The following PTPN13 variants were observed in gnomAD, a reference collection of about 807,000 sequenced individuals.
PTPN13 encodes the protein protein tyrosine phosphatase non-receptor type 13, also known as tyrosine-protein phosphatase non-receptor type 13.
PTPN13 carries 191 observed loss-of-function variants against 284.0 expected under a neutral mutation model. The ratio of observed to expected loss-of-function variants is 0.67; its 90% CI spans 0.60 to 0.76. The LOEUF is 0.76. Ranked by LOEUF, PTPN13 falls within the 30% of genes least tolerant of loss-of-function variation. The pLI, the probability that PTPN13 is intolerant of heterozygous loss-of-function variation, is 0.00. For synonymous variants in PTPN13, 986 were observed against 1,022.3 expected, an observed-to-expected ratio of 0.96 and a Z score of 0.68; for missense variants, 2,797 against 2,939.9, an observed-to-expected ratio of 0.95 and a Z score of 1.12.
At position 86,775,505 on chromosome 4, in the gene PTPN13, C is replaced by T. The variant is rs762570625; in HGVS notation, c.5744C>T (p.Pro1915Leu). 6.2e-7 allele frequency: 1 copy of T among 1,612,054 alleles called. No homozygotes were observed. Among genetic ancestry groups the T allele is most frequent in the South Asian group, 1.1e-5 (1 of 90,962 alleles). ...GTGGTATATATTAGTGATATTAATC[C>T]AAGGTCCGTCGCAGCCATTGAGGGT... ...YQVVYISDIN[P>L]RSVAAIEGNL... Residue 1915 changes from proline (P) to leucine (L), a missense_variant, in exon 35 of 48, where the codon CCA (proline) becomes CTA (leucine). Coordinates refer to ENST00000411767, the MANE Select transcript of PTPN13 (RefSeq NM_080683.3).
intron 2 of PTPN13, among the ~76,000 whole-genome samples, chr4:86,662,567 T>A (rs1017225789): frequency 6.6e-6 from 1 of 152,280 alleles, no homozygotes; most frequent in Non-Finnish European, 1.5e-5. Flanking sequence ...CTTGACCTCA[T>A]GATCCACCTG....
chr4:86,599,421 A>G (rs1043951806), intron 1 of PTPN13, among the ~76,000 whole-genome samples: 3 of 152,120 alleles, frequency 2.0e-5, no homozygotes, highest in Admixed American at 1.3e-4. Flanking sequence ...GTACTGTCAA[A>G]TGTAGTTTCC....
At chr4:86,635,638 A>G (rs892027420) in intron 2 of PTPN13, among the ~76,000 whole-genome samples, 2 of 152,142 alleles carry the variant, frequency 1.3e-5, no homozygotes, top group African/African-American at 4.8e-5. Context: ...CTCAGTTTAG[A>G]GCTCACAGTT....
At chr4:86,742,974 A>AT (rs1248659100) in intron 16 of PTPN13, among the ~76,000 whole-genome samples, 2 of 152,222 alleles carry the variant, frequency 1.3e-5, no homozygotes, top group Non-Finnish European at 2.9e-5. Flanking sequence ...TTGCATTCCC[A>AT]TGGAAATTAT....
chr4:86,761,680 A>G (rs1037125947), intron 23 of PTPN13, among the ~76,000 whole-genome samples: 6 of 152,022 alleles, frequency 3.9e-5, no homozygotes, highest in African/African-American at 1.4e-4. Context: ...CTTTTCATAT[A>G]TTTACTATTT....
rs185055035 is a variant in PTPN13, at chr4:86,703,867, T to C, written c.1195+2066T>C. Among the ~76,000 whole-genome samples the C allele has an allele frequency of 9.9e-4, 151 of 152,136 alleles. 1 individual carries two copies. Among genetic ancestry groups the C allele is most frequent in the Non-Finnish European group, 1.6e-3 (106 of 67,992 alleles). ...CTGTGCAACAAAGCGAGACTCTGTCTCTAATGATAGTAATAATAAAATTGG... is the reference window on the plus strand; with the variant it reads ...CTGTGCAACAAAGCGAGACTCTGTCCCTAATGATAGTAATAATAAAATTGG... On this transcript the variant is annotated intron_variant, in intron 7 of 47. Transcript: ENST00000411767.
chr4:86,751,331 CT>C lies in PTPN13; in HGVS notation c.3166+214del, dbSNP rs1565484537. The stretch of plus-strand genomic sequence containing the variant: ...TTCATGGTACAGACTATTAGCTTCT[CT>C]TTTTTTCCCCCTCAGACAGGGTCTT... On this transcript the variant is annotated intron_variant, in intron 19 of 47. Transcript: ENST00000411767. 2.0e-5 allele frequency among the ~76,000 whole-genome samples: 3 copies of C among 152,050 alleles called. No individual in the cohort carries two copies. In the South Asian group the frequency reaches 6.2e-4, roughly 32 times the overall value.
At chr4:86,780,528 C>A in intron 36 of PTPN13, 56 bp downstream of exon 36, 1 of 1,182,198 alleles carries the variant, frequency 8.5e-7, no homozygotes, top group Non-Finnish European at 1.2e-6. Flanking sequence ...TGTAAAATGG[C>A]ACATCCATTT....
chr4:86,773,134 A>T (rs1740192537), intron 32 of PTPN13, among the ~76,000 whole-genome samples, 176 bp downstream of exon 32: 1 of 152,192 alleles, frequency 6.6e-6, no homozygotes, highest in Non-Finnish European at 1.5e-5. Flanking sequence ...TAAGGCAAAA[A>T]GACCTGAGTA....
At chr4:86,651,583 A>G (rs1034730884) in intron 2 of PTPN13, among the ~76,000 whole-genome samples, 13 of 152,200 alleles carry the variant, frequency 8.5e-5, no homozygotes, top group African/African-American at 3.1e-4. Flanking sequence ...AATGTTTAGC[A>G]GAATTCAGCA....
At chr4:86,699,547 A>G (rs181444656) in intron 6 of PTPN13, among the ~76,000 whole-genome samples, 17 of 152,302 alleles carry the variant, frequency 1.1e-4, no homozygotes, top group African/African-American at 4.1e-4. Context: ...GGAAAAGTGA[A>G]ACAGTCATTG....
At chr4:86,726,738 T>C (rs1318773874) in intron 10 of PTPN13, among the ~76,000 whole-genome samples, 2 of 149,460 alleles carry the variant, frequency 1.3e-5, no homozygotes, top group Non-Finnish European at 3.0e-5. Flanking sequence ...TTTCTAAATA[T>C]ACAATTATGT....
At chr4:86,694,290 G>C (rs1381523968) in intron 6 of PTPN13, among the ~76,000 whole-genome samples, 1 of 151,576 alleles carries the variant, frequency 6.6e-6, no homozygotes, top group Non-Finnish European at 1.5e-5. Context: ...GAAATGAATG[G>C]AAATTTCAGG....
chr4:86,706,430 A>G (rs984380118), intron 7 of PTPN13, among the ~76,000 whole-genome samples: 1 of 152,202 alleles, frequency 6.6e-6, no homozygotes, highest in Admixed American at 6.5e-5. Context: ...CAGTGAAACA[A>G]GATAGTATTA....
rs768713885 is a variant in PTPN13, at chr4:86,758,966, G to C, written c.3446G>C (p.Ser1149Thr). The C allele has an allele frequency of 4.3e-6, 7 of 1,613,718 alleles. No individual in the cohort carries two copies. The highest frequency in any genetic ancestry group is 1.7e-4 in the Middle Eastern group (1 of 6,056). The change falls in exon 23 of 48, where the codon AGT becomes ACT. Residue 1149 changes from serine (S) to threonine (T), a missense_variant. Ser to Thr is a moderately conservative substitution (Grantham distance 58, BLOSUM62 1). Transcript: ENST00000411767. The stretch of plus-strand genomic sequence containing the variant: ...GGAGACCGTTTGATATCTGTGAATA[G>C]TGTGAGTCTGGAGGGAGTCAGCCAC... ...KPGDRLISVN[S>T]VSLEGVSHHA...
intron 12 of PTPN13, 32 bp downstream of exon 12, chr4:86,732,798 A>T: frequency 6.4e-7 from 1 of 1,562,860 alleles, no homozygotes; most frequent in South Asian, 1.2e-5. Context: ...AGAGTACAGT[A>T]TAGAAATTTA....
intron 33 of PTPN13, among the ~76,000 whole-genome samples, chr4:86,774,746 G>A (rs1450080609): frequency 1.3e-5 from 2 of 150,218 alleles, no homozygotes; most frequent in African/African-American, 4.9e-5. Flanking sequence ...TTAAGTTCTA[G>A]GGTACATGTG....
chr4:86,767,713 GT>G, intron 27 of PTPN13, 103 bp from the exon 28 acceptor site: 2 of 896,786 alleles, frequency 2.2e-6, no homozygotes, highest in Non-Finnish European at 3.1e-6. Flanking sequence ...AAATTTGGTA[GT>G]TACTTTAAAT....
At chr4:86,607,861 G>A (rs10470882) in intron 1 of PTPN13, among the ~76,000 whole-genome samples, 3 of 151,954 alleles carry the variant, frequency 2.0e-5, no homozygotes. Context: ...TCACAGCGCC[G>A]AGTTCCTATA....
Sources: gnomAD v4.1 joint callset for allele counts (sites outside exome capture counted in the v4.1 genomes callset) on GRCh38, gnomAD v4.1.1 for gene constraint, MANE v1.5 for transcripts, NCBI Gene and HGNC (gene_info 2026-07-23, HGNC 2026-07-21) for gene names.